ZMAT4: variants seen among roughly 807,000 people sequenced by gnomAD.
ZMAT4 encodes zinc finger matrin-type protein 4.
In ZMAT4, 17 loss-of-function variants were observed where a neutral mutation model predicts 28.7. That is an observed-to-expected ratio of 0.59 (90% CI 0.41 to 0.89). The LOEUF is 0.89. Among genes scored for constraint, ZMAT4 ranks in the 40% least tolerant of loss-of-function variants. The pLI, the probability that ZMAT4 is intolerant of heterozygous loss-of-function variation, is 0.00. For synonymous variants in ZMAT4, 117 were observed against 109.2 expected (o/e 1.07, Z -0.44); for missense variants, 240 against 283.8 (o/e 0.85, Z 1.11).
intron 2 of ZMAT4, among the ~76,000 whole-genome samples, chr8:40,824,773 G>GAAAAAAAA (rs1202457437): frequency 2.8e-5 from 4 of 143,634 alleles, no homozygotes; most frequent in Non-Finnish European, 6.1e-5. Flanking sequence ...AGAAAAGAAA[G>GAAAAAAAA]AAAGAAAATA....
chr8:40,872,025 A>G (rs1586199367), intron 1 of ZMAT4, among the ~76,000 whole-genome samples: 1 of 152,204 alleles, frequency 6.6e-6, no homozygotes, highest in African/African-American at 2.4e-5. Context: ...ATCAGGGCCA[A>G]CTGACAAATT....
intron 1 of ZMAT4, among the ~76,000 whole-genome samples, chr8:40,897,108 C>T (rs77579868): frequency 0.068 from 10,276 of 151,952 alleles, 383 homozygotes; most frequent in African/African-American, 0.076. Flanking sequence ...TAGGTGCCCA[C>T]CAGGTCAAAC....
At chr8:40,783,759 C>G (rs2076929551) in intron 2 of ZMAT4, among the ~76,000 whole-genome samples, 1 of 152,012 alleles carries the variant, frequency 6.6e-6, no homozygotes, top group African/African-American at 2.4e-5. Context: ...GCTTGTAATC[C>G]CAGCACTTTG....
intron 3 of ZMAT4, among the ~76,000 whole-genome samples, chr8:40,766,885 G>A (rs963349082): frequency 6.6e-6 from 1 of 152,238 alleles, no homozygotes; most frequent in African/African-American, 2.4e-5. Flanking sequence ...CACGGATGGT[G>A]TGGGGTATAA....
At chr8:40,664,223 G>A (rs1294296220) in intron 5 of ZMAT4, among the ~76,000 whole-genome samples, 1 of 152,094 alleles carries the variant, frequency 6.6e-6, no homozygotes, top group African/African-American at 2.4e-5. Flanking sequence ...TGCTGCCTTG[G>A]GTCACTCACT....
chr8:40,883,892 G>A (rs889404045), intron 1 of ZMAT4, among the ~76,000 whole-genome samples: 7 of 152,216 alleles, frequency 4.6e-5, no homozygotes, highest in South Asian at 2.1e-4. Flanking sequence ...TGAGGATCTC[G>A]ATCCATGCCC....
chr8:40,849,878 A>T (rs1197845161), intron 1 of ZMAT4, among the ~76,000 whole-genome samples: 1 of 152,140 alleles, frequency 6.6e-6, no homozygotes, highest in African/African-American at 2.4e-5. Context: ...AGTTCAACCA[A>T]ATGCCATCAG....
chr8:40,598,358 T>A (rs1410383074), intron 5 of ZMAT4, among the ~76,000 whole-genome samples: 1 of 152,100 alleles, frequency 6.6e-6, no homozygotes, highest in African/African-American at 2.4e-5. Context: ...TGCTCTCGCT[T>A]CCCTCACCCC....
chr8:40,620,942 A>G (rs755062121), intron 5 of ZMAT4, among the ~76,000 whole-genome samples: 6 of 152,194 alleles, frequency 3.9e-5, no homozygotes, highest in Non-Finnish European at 5.9e-5. Flanking sequence ...ATTCATTTCC[A>G]ATGCATCTTA....
chr8:40,722,521 G>A (rs1252894807), intron 3 of ZMAT4, among the ~76,000 whole-genome samples: 4 of 152,106 alleles, frequency 2.6e-5, no homozygotes, highest in African/African-American at 9.7e-5. Context: ...TAGACTCTCT[G>A]CATTTCTTTA....
chr8:40,721,207 C>A (rs2150517122), intron 3 of ZMAT4, among the ~76,000 whole-genome samples: 1 of 145,572 alleles, frequency 6.9e-6, no homozygotes, highest in South Asian at 2.3e-4. Flanking sequence ...CAATTCCCAC[C>A]TATGAGTGAG....
intron 3 of ZMAT4, among the ~76,000 whole-genome samples, chr8:40,748,759 T>G (rs1440366442): frequency 6.6e-6 from 1 of 152,082 alleles, no homozygotes; most frequent in Non-Finnish European, 1.5e-5. Flanking sequence ...TTTTAAGAAA[T>G]GCATCTCTAA....
intron 5 of ZMAT4, among the ~76,000 whole-genome samples, chr8:40,629,217 C>A (rs1366627015): frequency 1.3e-5 from 2 of 151,442 alleles, no homozygotes; most frequent in Non-Finnish European, 2.9e-5. Flanking sequence ...ATTGATTTGT[C>A]CATTTTTAGT....
rs1351365067 is a variant in ZMAT4, at chr8:40,599,096, G to A, written c.578-17835C>T. Among the ~76,000 whole-genome samples, 5 of 152,066 alleles carry A rather than the reference G, an allele frequency of 3.3e-5. No homozygotes were observed. The South Asian group carries it at 6.2e-4, about 19-fold the overall frequency. On this transcript the variant is annotated intron_variant, in intron 5 of 6. Coordinates refer to ENST00000297737, the MANE Select transcript of ZMAT4 (RefSeq NM_024645.3). ...CCCTATTCTAAAATACTTCACAATT[G>A]AAATCTTAAGGTACTACACATTCCC... is the stretch of plus-strand genomic sequence containing the variant.
chr8:40,584,413 A>G (rs1804595300), intron 5 of ZMAT4, among the ~76,000 whole-genome samples: 1 of 152,158 alleles, frequency 6.6e-6, no homozygotes, highest in African/African-American at 2.4e-5. Flanking sequence ...AGGAGGGGAC[A>G]ATTAACTTTT....
chr8:40,780,033 CA>C (rs1813765630), intron 2 of ZMAT4, among the ~76,000 whole-genome samples: 1 of 152,114 alleles, frequency 6.6e-6, no homozygotes, highest in Non-Finnish European at 1.5e-5. Context: ...CCTCCCCTCC[CA>C]ACTTTTTTTT....
chr8:40,838,549 C>T (rs757841160), intron 1 of ZMAT4, among the ~76,000 whole-genome samples: 3 of 152,088 alleles, frequency 2.0e-5, no homozygotes, highest in Admixed American at 1.3e-4. Flanking sequence ...CTATATTGCC[C>T]AGGCTGGGGG....
chr8:40,692,613 G>T (rs62497403), intron 4 of ZMAT4, among the ~76,000 whole-genome samples: 42,941 of 151,964 alleles, frequency 0.28, 6,227 homozygotes, highest in Non-Finnish European at 0.32. Context: ...AAAAGCAAAT[G>T]GGTGTCTGAT....
intron 6 of ZMAT4, among the ~76,000 whole-genome samples, chr8:40,536,950 G>T (rs1282498972): frequency 6.6e-6 from 1 of 151,784 alleles, no homozygotes; most frequent in Non-Finnish European, 1.5e-5. Flanking sequence ...AAGGGGAAGA[G>T]GCCTAGAGAG....
Sources: allele counts gnomAD v4.1 joint callset (sites outside exome capture counted in the v4.1 genomes callset), GRCh38; gene constraint gnomAD v4.1.1; transcripts MANE v1.5; gene names NCBI Gene and HGNC (gene_info 2026-07-23, HGNC 2026-07-21).